Variants in CADPS2 observed in about 807,000 individuals in gnomAD.
CADPS2 encodes calcium-dependent secretion activator 2.
CADPS2 carries 93 observed loss-of-function variants against 172.5 expected under a neutral mutation model. That is an observed-to-expected ratio of 0.54 (90% CI 0.46 to 0.64). The LOEUF is 0.64. CADPS2 is among the 30% of genes least tolerant of loss of function. The pLI, the probability that CADPS2 is intolerant of heterozygous loss-of-function variation, is 0.00. For missense variants in CADPS2, 1,420 were observed against 1,565.9 expected (o/e 0.91, Z 1.57); for synonymous variants, 546 against 555.2 (o/e 0.98, Z 0.23).
At chr7:122,674,736 C>A (rs1276191048) in intron 2 of CADPS2, among the ~76,000 whole-genome samples, 1 of 152,134 alleles carries the variant, frequency 6.6e-6, no homozygotes, top group South Asian at 2.1e-4. Context: ...TATCTGCTTG[C>A]CAAATCATTG....
chr7:122,436,424 C>A (rs750317908), intron 17 of CADPS2: 4 of 1,202,284 alleles, frequency 3.3e-6, no homozygotes, highest in Non-Finnish European at 3.2e-6. Flanking sequence ...GCAAACTCTA[C>A]CCTTGTCGTT....
intron 1 of CADPS2, among the ~76,000 whole-genome samples, chr7:122,865,888 G>A (rs1818186276): frequency 6.6e-6 from 1 of 152,198 alleles, no homozygotes; most frequent in Non-Finnish European, 1.5e-5. Flanking sequence ...CTGTGTGAGT[G>A]AGCTAAATCT....
At chr7:122,700,779 A>G (rs2085924712) in intron 2 of CADPS2, among the ~76,000 whole-genome samples, 1 of 152,158 alleles carries the variant, frequency 6.6e-6, no homozygotes, top group Admixed American at 6.5e-5. Context: ...ACTTCTAGAA[A>G]AGAAATCTGC....
chr7:122,701,359 A>G (rs2086048354), intron 2 of CADPS2, among the ~76,000 whole-genome samples: 1 of 152,016 alleles, frequency 6.6e-6, no homozygotes, highest in Non-Finnish European at 1.5e-5. Context: ...CAAACACCGC[A>G]TGTTCTCACT....
intron 2 of CADPS2, among the ~76,000 whole-genome samples, chr7:122,699,506 T>A (rs2085688649): frequency 6.6e-6 from 1 of 152,196 alleles, no homozygotes; most frequent in Non-Finnish European, 1.5e-5. Flanking sequence ...GTGAGCTTAG[T>A]GACATTATTT....
chr7:122,644,655 T>C (rs1201488961), intron 3 of CADPS2, among the ~76,000 whole-genome samples: 3 of 152,056 alleles, frequency 2.0e-5, no homozygotes, highest in African/African-American at 7.2e-5. Context: ...GGCAGCCCCC[T>C]CAAAAACAAA....
chr7:122,574,396 C>T (rs923913360), intron 7 of CADPS2, among the ~76,000 whole-genome samples: 4 of 134,366 alleles, frequency 3.0e-5, no homozygotes, highest in South Asian at 2.3e-4. Flanking sequence ...CAGTGAGCCA[C>T]GATTGTGCCA....
chr7:122,646,974 A>G (rs2078631035), intron 3 of CADPS2, among the ~76,000 whole-genome samples: 1 of 152,158 alleles, frequency 6.6e-6, no homozygotes, highest in South Asian at 2.1e-4. Context: ...GCAATAAAAA[A>G]GGAAGGGCTT....
At chr7:122,470,462 G>C (rs918441801) in intron 14 of CADPS2, among the ~76,000 whole-genome samples, 1 of 151,520 alleles carries the variant, frequency 6.6e-6, no homozygotes, top group Admixed American at 6.6e-5. Flanking sequence ...TAAGAGAAGG[G>C]GAGTGATATG....
At chr7:122,397,713 T>C (rs2151542407) in intron 20 of CADPS2, among the ~76,000 whole-genome samples, 1 of 152,228 alleles carries the variant, frequency 6.6e-6, no homozygotes, top group South Asian at 2.1e-4. Context: ...CTTCTCCATA[T>C]GGTTTAATAA....
chr7:122,333,519 T>C (rs972112949), intron 28 of CADPS2, among the ~76,000 whole-genome samples: 1 of 152,196 alleles, frequency 6.6e-6, no homozygotes, highest in African/African-American at 2.4e-5. Context: ...TCTCTATACC[T>C]TCGGTCTCTG....
chr7:122,735,894 G>A (rs1034407733), intron 2 of CADPS2, among the ~76,000 whole-genome samples: 1 of 152,072 alleles, frequency 6.6e-6, no homozygotes, highest in African/African-American at 2.4e-5. Flanking sequence ...AATTTTACAT[G>A]ATGAAATCTT....
At chr7:122,601,491 T>C (rs748510248) in intron 6 of CADPS2, among the ~76,000 whole-genome samples, 1 of 152,046 alleles carries the variant, frequency 6.6e-6, no homozygotes, top group Non-Finnish European at 1.5e-5. Flanking sequence ...TCATTTTTAT[T>C]TTTTAGCCAC....
intron 28 of CADPS2, among the ~76,000 whole-genome samples, chr7:122,342,897 CAG>C (rs1333029557): frequency 6.6e-6 from 1 of 152,142 alleles, no homozygotes; most frequent in Non-Finnish European, 1.5e-5. Flanking sequence ...AGGTTGCTAA[CAG>C]TATTTATAGG....
chr7:122,785,239 C>T (rs577997974), intron 1 of CADPS2, among the ~76,000 whole-genome samples: 19 of 152,208 alleles, frequency 1.2e-4, no homozygotes, highest in Admixed American at 6.5e-4. Flanking sequence ...TGCTACTTCA[C>T]ATCACACTTG....
rs113912029 is a variant in CADPS2, at chr7:122,437,311, T to G, written c.2476+1030A>C. Among the ~76,000 whole-genome samples the G allele has an allele frequency of 1.9e-3, 285 of 152,230 alleles. 1 individual carries two copies. In the East Asian group the frequency reaches 0.028, roughly 15 times the overall value. On this transcript the variant is annotated intron_variant, in intron 17 of 29. Transcript: ENST00000449022. ...TGTTATGGTGATGAGATGGCTTTTT[T>G]GTTAATCACTCAGGAGGTTGGTTAT...
At chr7:122,483,033 A>G (rs1388905973) in intron 11 of CADPS2, among the ~76,000 whole-genome samples, 1 of 152,256 alleles carries the variant, frequency 6.6e-6, no homozygotes, top group Non-Finnish European at 1.5e-5. Context: ...TTAGAGTATT[A>G]AGAAAGATGT....
chr7:122,634,227 G>A (rs936353711), intron 3 of CADPS2, among the ~76,000 whole-genome samples: 1 of 152,132 alleles, frequency 6.6e-6, no homozygotes, highest in Non-Finnish European at 1.5e-5. Flanking sequence ...AGTTTCAGGA[G>A]GATTGGTACC....
chr7:122,451,396 CT>C lies in CADPS2; in HGVS notation c.2265del (p.Glu756LysfsTer4), dbSNP rs1314263514. ...TACCTGAAATGGCTTATCTGATTTT[CT>C]AAAAGGGAAGAGAGTCTCTCTTTTA... ...EEIKERLSSL[L>X]ENQISHFRYC... On this transcript the variant is annotated frameshift_variant, in exon 15 of 30. Coordinates refer to ENST00000449022, the MANE Select transcript of CADPS2 (RefSeq NM_017954.11). LOFTEE classifies it high-confidence loss of function. The C allele has an allele frequency of 6.5e-7, 1 of 1,541,682 alleles. No individual in the cohort carries two copies. Among genetic ancestry groups the C allele is most frequent in the Non-Finnish European group, 8.8e-7 (1 of 1,138,650 alleles).
Sources: allele counts gnomAD v4.1 joint callset (sites outside exome capture counted in the v4.1 genomes callset), GRCh38; gene constraint gnomAD v4.1.1; transcripts MANE v1.5; gene names NCBI Gene and HGNC (gene_info 2026-07-23, HGNC 2026-07-21).